Variants in TGFBR2 observed in about 807,000 individuals in gnomAD.
TGFBR2 encodes transforming growth factor beta receptor 2.
In TGFBR2, 18 loss-of-function variants were observed where a neutral mutation model predicts 49.0. The observed-to-expected ratio is 0.37, with a 90% CI of 0.25 to 0.54. The LOEUF is 0.54. Among genes scored for constraint, TGFBR2 ranks in the 20% least tolerant of loss-of-function variants. The pLI, the probability that TGFBR2 is intolerant of heterozygous loss-of-function variation, is 0.85. For missense variants in TGFBR2, 525 were observed against 722.6 expected (o/e 0.73, Z 3.13); for synonymous variants, 282 against 275.9 (o/e 1.02, Z -0.22).
intron 1 of TGFBR2, among the ~76,000 whole-genome samples, chr3:30,613,920 T>G (rs1418527908): frequency 6.6e-6 from 1 of 152,218 alleles, no homozygotes; most frequent in Non-Finnish European, 1.5e-5. Context: ...AGCAGCAACA[T>G]TCCTTTGCAG....
intron 3 of TGFBR2, 27 bp from the exon 4 acceptor site, chr3:30,671,608 CCTT>C (rs773495577): frequency 1.9e-6 from 3 of 1,613,016 alleles, no homozygotes; most frequent in African/African-American, 1.3e-5. Flanking sequence ...ACATCCAACT[CCTT>C]CTCTCCTTGT....
chr3:30,619,994 T>C (rs894142113), intron 1 of TGFBR2, among the ~76,000 whole-genome samples: 11 of 152,148 alleles, frequency 7.2e-5, no homozygotes, highest in Non-Finnish European at 1.5e-4. Context: ...GAGACCATCC[T>C]CGCTAACACG....
At chr3:30,650,990 G>A (rs1339540709) in intron 3 of TGFBR2, among the ~76,000 whole-genome samples, 3 of 152,120 alleles carry the variant, frequency 2.0e-5, no homozygotes, top group Middle Eastern at 6.8e-3. Flanking sequence ...ACTTGTCATC[G>A]ATCCCATTTG....
chr3:30,623,094 C>A, intron 1 of TGFBR2: 1 of 704,726 alleles, frequency 1.4e-6, no homozygotes. Flanking sequence ...TTAATAATCT[C>A]ACAGTAATAG....
chr3:30,624,741 A>G lies in TGFBR2; in HGVS notation c.94+17764A>G, dbSNP rs369426145. 8.5e-5 allele frequency among the ~76,000 whole-genome samples: 13 copies of G among 152,358 alleles called. 1 individual carries two copies. In the East Asian group the frequency reaches 2.3e-3, roughly 27 times the overall value. The stretch of plus-strand genomic sequence containing the variant: ...ATAAATGTTATTTTTCTTGCAACAT[A>G]AAAGAAAAATTGAGTCATATTGTTT... On this transcript the variant is annotated intron_variant, in intron 1 of 6. Transcript: ENST00000295754.
chr3:30,606,669 C>G lies in TGFBR2; in HGVS notation c.-215C>G, dbSNP rs534747531. On this transcript the variant is annotated 5_prime_UTR_variant, in exon 1 of 7. Transcript: ENST00000295754. ...TCGGGACAGGAGCCGGACTCCTGTG[C>G]AGCTTCCCTCGGCCGCCGGGGGCCT... 9.5e-5 allele frequency: 36 copies of G among 377,494 alleles called. No homozygotes were observed. The highest frequency in any genetic ancestry group is 1.9e-4 in the East Asian group (5 of 27,020). The allele number at this position is 377,494 out of a possible 1,614,324, so 23.4% of individuals were successfully genotyped here. A position where few individuals can be genotyped will look rare whatever the true frequency, so the allele number is the denominator to read the frequency against.
chr3:30,690,397 G>C (rs895562342), intron 6 of TGFBR2, among the ~76,000 whole-genome samples: 1 of 152,226 alleles, frequency 6.6e-6, no homozygotes. Context: ...AGCTTGATTC[G>C]GTTAGGGTGA....
chr3:30,612,166 A>G (rs1160796171), intron 1 of TGFBR2, among the ~76,000 whole-genome samples: 1 of 152,210 alleles, frequency 6.6e-6, no homozygotes, highest in Admixed American at 6.5e-5. Flanking sequence ...AAAGACAATT[A>G]ACATTTGAGA....
At chr3:30,649,326 C>A (rs143201944) in intron 2 of TGFBR2, among the ~76,000 whole-genome samples, 374 of 152,232 alleles carry the variant, frequency 2.5e-3, no homozygotes, top group Non-Finnish European at 3.4e-3. Flanking sequence ...AGAGGTGATA[C>A]CCTTTTCCAA....
chr3:30,619,555 A>T (rs1355507218), intron 1 of TGFBR2, among the ~76,000 whole-genome samples: 1 of 152,066 alleles, frequency 6.6e-6, no homozygotes. Context: ...GATGAAGCCA[A>T]ACCTCTTGCC....
At chr3:30,670,893 T>C (rs551613013) in intron 3 of TGFBR2, among the ~76,000 whole-genome samples, 1 of 152,372 alleles carries the variant, frequency 6.6e-6, no homozygotes, top group Admixed American at 6.5e-5. Flanking sequence ...GGATGTAAGA[T>C]AACTGTCCAA....
At chr3:30,660,998 A>G (rs1699113382) in intron 3 of TGFBR2, among the ~76,000 whole-genome samples, 1 of 152,186 alleles carries the variant, frequency 6.6e-6, no homozygotes, top group South Asian at 2.1e-4. Flanking sequence ...CTGGTGACCT[A>G]ACAGGTATTG....
At chr3:30,611,268 C>T (rs752500681) in intron 1 of TGFBR2, among the ~76,000 whole-genome samples, 2 of 152,130 alleles carry the variant, frequency 1.3e-5, no homozygotes, top group African/African-American at 4.8e-5. Context: ...CAACTGAGGT[C>T]GAGCATTTAA....
chr3:30,636,369 T>C (rs1698532164), intron 1 of TGFBR2, among the ~76,000 whole-genome samples: 1 of 152,200 alleles, frequency 6.6e-6, no homozygotes, highest in African/African-American at 2.4e-5. Flanking sequence ...GGAAAATTGA[T>C]GCTTTTGAGC....
intron 5 of TGFBR2, among the ~76,000 whole-genome samples, chr3:30,682,655 C>T (rs1446901144): frequency 6.6e-6 from 1 of 152,224 alleles, no homozygotes; most frequent in African/African-American, 2.4e-5. Context: ...ATCCTTACCT[C>T]ACCTCCACCA....
chr3:30,650,578 G>A, intron 3 of TGFBR2, 118 bp downstream of exon 3: 1 of 1,120,374 alleles, frequency 8.9e-7, no homozygotes, highest in Admixed American at 1.8e-5. Flanking sequence ...AGTGGATTAG[G>A]AGCTCATTCA....
In TGFBR2 at chr3:30,650,442, A is replaced by AACAT; in HGVS notation, c.437_440dup (p.Ile148HisfsTer8). The AACAT allele has an allele frequency of 6.2e-7, 1 of 1,613,956 alleles. No homozygotes were observed. The highest frequency in any genetic ancestry group is 8.5e-7 in the Non-Finnish European group (1 of 1,179,946). ...CTGTAGCTCTGATGAGTGCAATGAC[A>AACAT]ACATCATCTTCTCAGAAGGTGAGTT... On this transcript the variant is annotated frameshift_variant, in exon 3 of 7. Transcript: ENST00000295754. LOFTEE classifies it high-confidence loss of function.
intron 3 of TGFBR2, among the ~76,000 whole-genome samples, chr3:30,654,923 G>C (rs1698966471): frequency 6.6e-6 from 1 of 152,202 alleles, no homozygotes; most frequent in Non-Finnish European, 1.5e-5. Flanking sequence ...TGAGCGAAGA[G>C]GTGATTTCTG....
At chr3:30,687,492 G>C (rs1423154651) in intron 5 of TGFBR2, among the ~76,000 whole-genome samples, 1 of 152,034 alleles carries the variant, frequency 6.6e-6, no homozygotes, top group Non-Finnish European at 1.5e-5. Flanking sequence ...CTAAAGTGCT[G>C]GGATTACACA....
Sources: gnomAD v4.1 joint callset for allele counts (sites outside exome capture counted in the v4.1 genomes callset) on GRCh38, gnomAD v4.1.1 for gene constraint, MANE v1.5 for transcripts, NCBI Gene and HGNC (gene_info 2026-07-23, HGNC 2026-07-21) for gene names.